The following DLGAP2 variants were observed in gnomAD, a reference collection of about 807,000 sequenced individuals.
DLGAP2 encodes the protein disks large-associated protein 2.
A neutral mutation model predicts 100.3 loss-of-function variants in DLGAP2; 26 were observed. The ratio of observed to expected loss-of-function variants is 0.26; its 90% confidence interval spans 0.19 to 0.36. The LOEUF is 0.36. DLGAP2 is among the 10% of genes least tolerant of loss of function. The pLI is 1.00. For missense variants in DLGAP2, 1,858 were observed against 1,453.2 expected (o/e 1.28, Z -4.53); for synonymous variants, 886 against 630.1 (o/e 1.41, Z -6.08).
chr8:923,772 G>C (rs557829584), intron 2 of DLGAP2, among the ~76,000 whole-genome samples: 2 of 152,140 alleles, frequency 1.3e-5, no homozygotes, highest in Non-Finnish European at 2.9e-5. Flanking sequence ...GGAGGAAAGC[G>C]TAACTAATTA....
At chr8:1,460,323 A>G (rs1798438347) in intron 3 of DLGAP2, among the ~76,000 whole-genome samples, 1 of 152,238 alleles carries the variant, frequency 6.6e-6, no homozygotes, top group African/African-American at 2.4e-5. Context: ...TTTACTATGA[A>G]GAAACTAAAC....
chr8:980,757 G>T lies in DLGAP2; in HGVS notation c.73+72791G>T, dbSNP rs553850105. Among the ~76,000 whole-genome samples, 3 of 152,242 alleles carry T rather than the reference G, an allele frequency of 2.0e-5. No homozygotes were observed. The East Asian group carries it at 5.8e-4, about 29-fold the overall frequency. On this transcript the variant is annotated intron_variant, in intron 2 of 14. Coordinates refer to ENST00000637795, the MANE Select transcript of DLGAP2 (RefSeq NM_001346810.2). ...CTCAGCTGAGGAGACAGAGATGCAG[G>T]ATAGGGAATGGGGGCTCGACAGGTG...
At chr8:958,006 G>A (rs1024679388) in intron 2 of DLGAP2, among the ~76,000 whole-genome samples, 12 of 152,120 alleles carry the variant, frequency 7.9e-5, no homozygotes, top group Admixed American at 7.9e-4. Flanking sequence ...CGTCATCCCT[G>A]TAGAAACTCT....
intron 1 of DLGAP2, among the ~76,000 whole-genome samples, chr8:889,802 G>T (rs1667355034): frequency 6.6e-6 from 1 of 152,236 alleles, no homozygotes. Flanking sequence ...CCTCCCCCCA[G>T]GAGTTCTGTA....
At chr8:751,376 G>T (rs1820784767) in intron 1 of DLGAP2, among the ~76,000 whole-genome samples, 1 of 152,222 alleles carries the variant, frequency 6.6e-6, no homozygotes, top group Admixed American at 6.5e-5. Context: ...CGTTTTCCTG[G>T]TGTTTGGCTG....
intron 2 of DLGAP2, among the ~76,000 whole-genome samples, chr8:1,097,562 G>C (rs1158068956): frequency 7.5e-5 from 10 of 133,680 alleles, no homozygotes; most frequent in East Asian, 2.4e-4. Flanking sequence ...GTGGAGCTGG[G>C]AGCCCGGGGC....
intron 1 of DLGAP2, among the ~76,000 whole-genome samples, chr8:905,635 G>A (rs1798363309): frequency 1.3e-5 from 2 of 152,136 alleles, no homozygotes; most frequent in East Asian, 1.9e-4. Context: ...CAGGATGTGG[G>A]CCTCCCGTGA....
intron 1 of DLGAP2, among the ~76,000 whole-genome samples, chr8:899,848 A>G (rs909559841): frequency 6.6e-6 from 1 of 152,180 alleles, no homozygotes; most frequent in Non-Finnish European, 1.5e-5. Context: ...AACTGCACGT[A>G]TTTCACAGAC....
chr8:1,578,404 G>C (rs1168119666), intron 6 of DLGAP2, among the ~76,000 whole-genome samples: 1 of 152,180 alleles, frequency 6.6e-6, no homozygotes, highest in Non-Finnish European at 1.5e-5. Context: ...GAGGCTCTGG[G>C]CACCTGCGTT....
intron 2 of DLGAP2, among the ~76,000 whole-genome samples, chr8:963,397 A>G (rs1799773605): frequency 6.6e-6 from 1 of 152,218 alleles, no homozygotes. Flanking sequence ...ACAAAAGATA[A>G]AGAATAACCT....
At chr8:1,187,143 T>G (rs1004136439) in intron 2 of DLGAP2, among the ~76,000 whole-genome samples, 1 of 152,134 alleles carries the variant, frequency 6.6e-6, no homozygotes, top group African/African-American at 2.4e-5. Flanking sequence ...TGGCTACATA[T>G]TGACTGCAAT....
chr8:1,640,771 G>GC lies in DLGAP2; in HGVS notation c.1810+7732dup, dbSNP rs906676711. On this transcript the variant is annotated intron_variant, in intron 8 of 14. Coordinates refer to ENST00000637795, the MANE Select transcript of DLGAP2 (RefSeq NM_001346810.2). ...CACAGGTGGAAGTCTCACGTGGCCC[G>GC]CCCCCCCGCATCTAGACTTGTGTTT... Among the ~76,000 whole-genome samples, 12 of 152,128 alleles carry GC rather than the reference G, an allele frequency of 7.9e-5. No individual in the cohort carries two copies. In the East Asian group the frequency reaches 9.7e-4, roughly 12 times the overall value.
At chr8:1,153,492 G>A (rs571992182) in intron 2 of DLGAP2, among the ~76,000 whole-genome samples, 2 of 152,116 alleles carry the variant, frequency 1.3e-5, no homozygotes, top group East Asian at 1.9e-4. Context: ...TCCTTTCCCC[G>A]CTAATGAATC....
intron 2 of DLGAP2, among the ~76,000 whole-genome samples, chr8:987,011 G>C (rs1012254854): frequency 5.3e-5 from 8 of 152,192 alleles, no homozygotes; most frequent in African/African-American, 1.9e-4. Flanking sequence ...AATCCACAAG[G>C]AGGAAGTAAA....
At chr8:1,177,157 C>T (rs1797278148) in intron 2 of DLGAP2, among the ~76,000 whole-genome samples, 1 of 152,234 alleles carries the variant, frequency 6.6e-6, no homozygotes, top group South Asian at 2.1e-4. Flanking sequence ...GCACGCCCAG[C>T]ACCCCATGAA....
chr8:1,374,757 A>C (rs958067826), intron 3 of DLGAP2, among the ~76,000 whole-genome samples: 13 of 152,002 alleles, frequency 8.6e-5, no homozygotes, highest in African/African-American at 3.1e-4. Context: ...TGGACGGTGG[A>C]AATCCTGCAG....
chr8:889,619 G>A (rs550696714), intron 1 of DLGAP2, among the ~76,000 whole-genome samples: 2 of 152,360 alleles, frequency 1.3e-5, no homozygotes, highest in South Asian at 2.1e-4. Context: ...TTGGGACCAA[G>A]CCATTCAGCT....
In DLGAP2 at chr8:1,003,971, A is replaced by G. The variant is rs1351798212; in HGVS notation, c.73+96005A>G. On this transcript the variant is annotated intron_variant, in intron 2 of 14. Coordinates refer to ENST00000637795, the MANE Select transcript of DLGAP2 (RefSeq NM_001346810.2). The stretch of plus-strand genomic sequence containing the variant: ...AAAGATTGTAAATTATTCCAGTGCC[A>G]GGAATATATTTATTTCAATTCTTTT... Among the ~76,000 whole-genome samples, 3 of 152,172 alleles carry G rather than the reference A, an allele frequency of 2.0e-5. No homozygotes were observed. The East Asian group carries it at 5.8e-4, about 29-fold the overall frequency.
At chr8:761,696 T>G (rs1375183245) in intron 1 of DLGAP2, among the ~76,000 whole-genome samples, 1 of 152,180 alleles carries the variant, frequency 6.6e-6, no homozygotes, top group Admixed American at 6.5e-5. Flanking sequence ...CAGGCACTCC[T>G]GGAACCCTTC....
Sources: gnomAD v4.1 joint callset for allele counts (sites outside exome capture counted in the v4.1 genomes callset) on GRCh38, gnomAD v4.1.1 for gene constraint, MANE v1.5 for transcripts, NCBI Gene and HGNC (gene_info 2026-07-23, HGNC 2026-07-21) for gene names.